Variants in MBP observed in about 807,000 individuals in gnomAD.
The protein encoded by MBP is myelin basic protein, also known as Golli-MBP.
MBP carries 16 observed loss-of-function variants against 35.8 expected under a neutral mutation model. That is an observed-to-expected ratio of 0.45 (90% CI 0.30 to 0.68). MBP has a LOEUF of 0.68. Among genes scored for constraint, MBP ranks in the 30% least tolerant of loss-of-function variants. The pLI, the probability that MBP is intolerant of heterozygous loss-of-function variation, is 0.08. For missense variants in MBP, 380 were observed against 404.7 expected (o/e 0.94, Z 0.52); for synonymous variants, 143 against 159.6 (o/e 0.90, Z 0.78).
At chr18:77,091,777 CCA>C (rs1022354149) in intron 2 of MBP, among the ~76,000 whole-genome samples, 4 of 151,732 alleles carry the variant, frequency 2.6e-5, no homozygotes, top group South Asian at 2.1e-4. Context: ...CACACACACA[CCA>C]CACACACATC....
chr18:77,032,565 G>A (rs1299918445), intron 3 of MBP, among the ~76,000 whole-genome samples: 3 of 152,230 alleles, frequency 2.0e-5, no homozygotes, highest in African/African-American at 4.8e-5. Flanking sequence ...GCGGCCATGC[G>A]CTGGCCAGTC....
chr18:77,088,493 A>G (rs1440470576), intron 2 of MBP, among the ~76,000 whole-genome samples: 2 of 152,236 alleles, frequency 1.3e-5, no homozygotes, highest in South Asian at 2.1e-4. Flanking sequence ...TCACAGGCCC[A>G]TAACCTTCTT....
intron 4 of MBP, among the ~76,000 whole-genome samples, chr18:76,991,098 A>G (rs894659889): frequency 6.6e-6 from 1 of 152,210 alleles, no homozygotes; most frequent in African/African-American, 2.4e-5. Flanking sequence ...TGAGGCAGGC[A>G]GCTCATGGGC....
intron 2 of MBP, among the ~76,000 whole-genome samples, chr18:77,091,106 G>A (rs949248256): frequency 1.3e-5 from 2 of 152,226 alleles, no homozygotes; most frequent in African/African-American, 4.8e-5. Flanking sequence ...AGCCCTTTAC[G>A]TGAACATTTC....
intron 2 of MBP, among the ~76,000 whole-genome samples, chr18:77,068,277 G>A (rs144654165): frequency 6.6e-5 from 10 of 152,260 alleles, no homozygotes; most frequent in Admixed American, 1.3e-4. Context: ...CCTGCACTGG[G>A]CCCAGCAGAC....
intron 2 of MBP, among the ~76,000 whole-genome samples, chr18:77,075,313 C>T (rs1297775076): frequency 3.3e-5 from 5 of 152,194 alleles, no homozygotes; most frequent in Non-Finnish European, 7.4e-5. Context: ...TTATAGCTAA[C>T]ATTAAAATGG....
At chr18:77,083,247 G>A (rs539538630) in intron 2 of MBP, among the ~76,000 whole-genome samples, 5 of 152,274 alleles carry the variant, frequency 3.3e-5, no homozygotes, top group South Asian at 2.1e-4. Flanking sequence ...GCTTACAGAC[G>A]TGAGCCATCA....
chr18:77,125,480 G>A (rs936947683), intron 1 of MBP, among the ~76,000 whole-genome samples: 1 of 151,754 alleles, frequency 6.6e-6, no homozygotes, highest in African/African-American at 2.4e-5. Flanking sequence ...TCCCCTCCCC[G>A]AGATTAGAAG....
intron 2 of MBP, among the ~76,000 whole-genome samples, chr18:77,078,633 G>C (rs78802524): frequency 0.012 from 1,797 of 152,342 alleles, 23 homozygotes; most frequent in East Asian, 0.074. Flanking sequence ...CATTTCTCTG[G>C]AAGTTGTCAC....
rs751974496 is a variant in MBP, at chr18:76,980,014, CCTCT to C, written c.*409_*412del. Reference sequence around the variant, plus strand: ...CAACAGTCCTCTCTGCCGCCCACGTCCTCTCTGTCTCTGCAGCTGTGTGCCTCCA... The same window carrying C: ...CAACAGTCCTCTCTGCCGCCCACGTCCTGTCTCTGCAGCTGTGTGCCTCCA... On this transcript the variant is annotated 3_prime_UTR_variant, in exon 9 of 9. Coordinates refer to ENST00000355994, the MANE Select transcript of MBP (RefSeq NM_001025101.2). The C allele has an allele frequency of 5.8e-5, 41 of 702,488 alleles. No individual in the cohort carries two copies. Among genetic ancestry groups the C allele is most frequent in the Non-Finnish European group, 9.1e-5 (35 of 385,026 alleles). The allele number at this position is 702,488 out of a possible 1,614,324, so 43.5% of individuals were successfully genotyped here.
intron 3 of MBP, among the ~76,000 whole-genome samples, chr18:77,061,206 A>G (rs980129853): frequency 1.3e-5 from 2 of 152,260 alleles, no homozygotes; most frequent in African/African-American, 4.8e-5. Context: ...TTCTATTACA[A>G]TAAATAACTA....
chr18:77,026,396 G>A (rs889123480), intron 3 of MBP, among the ~76,000 whole-genome samples: 1 of 152,304 alleles, frequency 6.6e-6, no homozygotes, highest in South Asian at 2.1e-4. Context: ...AAAACATAAC[G>A]AATAAAACTA....
At chr18:77,076,869 C>T (rs1052164665) in intron 2 of MBP, among the ~76,000 whole-genome samples, 13 of 152,136 alleles carry the variant, frequency 8.5e-5, no homozygotes, top group African/African-American at 2.4e-4. Flanking sequence ...TGGAGCCAGG[C>T]GCCGAGGCAC....
intron 3 of MBP, among the ~76,000 whole-genome samples, chr18:77,036,712 T>C (rs1381610578): frequency 6.9e-6 from 1 of 145,524 alleles, no homozygotes; most frequent in African/African-American, 2.6e-5. Flanking sequence ...GGTCACATTT[T>C]GGAGGACTGA....
chr18:76,996,195 G>C (rs574890351), intron 4 of MBP, among the ~76,000 whole-genome samples: 3 of 152,264 alleles, frequency 2.0e-5, no homozygotes, highest in Non-Finnish European at 2.9e-5. Context: ...CAAGTGCTGG[G>C]AACGCAAACT....
In MBP at chr18:76,979,851, C is replaced by A; in HGVS notation, c.*576G>T. 1 of 661,148 alleles carries A rather than the reference C, an allele frequency of 1.5e-6. No homozygotes were observed. The highest frequency in any genetic ancestry group is 2.7e-6 in the Non-Finnish European group (1 of 365,680). 41.0% of individuals were successfully genotyped at this position (661,148 alleles called of 1,614,324 possible). On this transcript the variant is annotated 3_prime_UTR_variant, in exon 9 of 9. Transcript: ENST00000355994. ...CCCCACGTTGGACTCTAACAGCTGC[C>A]CAGCCCGCATGTCACATACCAAAAG...
chr18:77,124,296 A>C (rs1017093807), intron 1 of MBP, among the ~76,000 whole-genome samples: 1 of 152,212 alleles, frequency 6.6e-6, no homozygotes, highest in Non-Finnish European at 1.5e-5. Flanking sequence ...AATTTGGTTA[A>C]TCACTTACTA....
At chr18:77,108,949 G>A (rs1976363802) in intron 1 of MBP, 1 of 152,218 alleles carries the variant, frequency 6.6e-6, no homozygotes, top group South Asian at 2.1e-4. Flanking sequence ...CCCCGAACAA[G>A]ACTCCACTTT....
intron 8 of MBP, 194 bp from the exon 9 acceptor site, chr18:76,980,665 T>C (rs1599446099): frequency 1.7e-6 from 1 of 582,434 alleles, no homozygotes; most frequent in Non-Finnish European, 3.1e-6. Flanking sequence ...CTAATTGAAT[T>C]TCCAGTTCTG....
Sources: gnomAD v4.1 joint callset for allele counts (sites outside exome capture counted in the v4.1 genomes callset) on GRCh38, gnomAD v4.1.1 for gene constraint, MANE v1.5 for transcripts, NCBI Gene and HGNC (gene_info 2026-07-23, HGNC 2026-07-21) for gene names.